The following ADAM11 variants were observed in gnomAD, a reference collection of about 807,000 sequenced individuals.
The protein encoded by ADAM11 is ADAM metallopeptidase domain 11.
In ADAM11, 49 loss-of-function variants were observed where a neutral mutation model predicts 119.1. That is an observed-to-expected ratio of 0.41 (90% CI 0.33 to 0.52). ADAM11 has a LOEUF of 0.52. Among genes scored for constraint, ADAM11 ranks in the 20% least tolerant of loss-of-function variants. The pLI, the probability that ADAM11 is intolerant of heterozygous loss-of-function variation, is 0.20. For synonymous variants in ADAM11, 364 were observed against 408.0 expected (o/e 0.89, Z 1.30); for missense variants, 777 against 1,047.5 (o/e 0.74, Z 3.56).
chr17:44,769,600 C>T lies in ADAM11; in HGVS notation c.238-118C>T, dbSNP rs1008534003. 2.3e-5 allele frequency: 16 copies of T among 710,964 alleles called. No homozygotes were observed. In the African/African-American group the frequency reaches 2.4e-4, roughly 11 times the overall value. 44.0% of individuals were successfully genotyped at this position (710,964 alleles called of 1,614,324 possible). A position where few individuals can be genotyped will look rare whatever the true frequency, so the allele number is the denominator to read the frequency against. On this transcript the variant is annotated intron_variant, in intron 2 of 26. Transcript: ENST00000200557. The stretch of plus-strand genomic sequence containing the variant: ...CATCTTGCCCCCAAATCAATGGTCC[C>T]CTCAGCTGCTAGGGCTGGCCACCCC...
Position 44,775,969 on chromosome 17 carries a change from A to G in ADAM11, c.1486-158A>G, listed in dbSNP as rs961835223. Among the ~76,000 whole-genome samples the G allele has an allele frequency of 2.0e-5, 3 of 152,006 alleles. No individual in the cohort carries two copies. The highest frequency in any genetic ancestry group is 1.3e-4 in the Admixed American group (2 of 15,266). On this transcript the variant is annotated intron_variant, in intron 17 of 26. Coordinates refer to ENST00000200557, the MANE Select transcript of ADAM11 (RefSeq NM_002390.6). This position sits in a 1 kb window ranked among gnomAD's most constrained non-coding sequence, Gnocchi z 7.5. Reference sequence around the variant, plus strand: ...GCTGGGAGCGAGGTGGGGAGCGTTCAAGAGGTGGTGGGAGCAGGGAAATAA... The same window carrying G: ...GCTGGGAGCGAGGTGGGGAGCGTTCGAGAGGTGGTGGGAGCAGGGAAATAA...
chr17:44,776,537 C>G lies in ADAM11; in HGVS notation c.1567-208C>G, dbSNP rs2049603477. Among the ~76,000 whole-genome samples the G allele has an allele frequency of 6.6e-6, 1 of 152,124 alleles. No individual in the cohort carries two copies. The highest frequency in any genetic ancestry group is 1.5e-5 in the Non-Finnish European group (1 of 68,020). ...GCCAGGCATTTATCTCCCAGCCCTACGAGGGAGGGAGGCTGGAGCGGCTCT... is the reference window on the plus strand; with the variant it reads ...GCCAGGCATTTATCTCCCAGCCCTAGGAGGGAGGGAGGCTGGAGCGGCTCT... On this transcript the variant is annotated intron_variant, in intron 18 of 26. Transcript: ENST00000200557. This position sits in a 1 kb window ranked among gnomAD's most constrained non-coding sequence, Gnocchi z 5.2.
Position 44,759,194 on chromosome 17 carries a change from C to T in ADAM11, c.-6C>T, listed in dbSNP as rs1454626857. On this transcript the variant is annotated 5_prime_UTR_variant, in exon 1 of 27. Transcript: ENST00000200557. ...CAGCCCCCGGACCGGGAGGAATGAGCGAGCCATGAGGCTGCTGCGGCGCTG... is the reference window on the plus strand; with the variant it reads ...CAGCCCCCGGACCGGGAGGAATGAGTGAGCCATGAGGCTGCTGCGGCGCTG... 3 of 1,352,906 alleles carry T rather than the reference C, an allele frequency of 2.2e-6. No homozygotes were observed. The highest frequency in any genetic ancestry group is 3.0e-5 in the Admixed American group (1 of 33,720). 83.8% of individuals were successfully genotyped at this position (1,352,906 alleles called of 1,614,324 possible). A position where few individuals can be genotyped will look rare whatever the true frequency, so the allele number is the denominator to read the frequency against.
Position 44,773,385 on chromosome 17 carries a change from G to C in ADAM11, c.950G>C (p.Arg317Pro). 1.9e-6 allele frequency: 3 copies of C among 1,613,864 alleles called. No individual in the cohort carries two copies. Among genetic ancestry groups the C allele is most frequent in the East Asian group, 2.2e-5 (1 of 44,882 alleles). Residue 317 changes from arginine to proline, a missense_variant, in exon 11 of 27, where the codon CGG becomes CCG. By Grantham distance (103) the Arg-to-Pro change is moderately radical (BLOSUM62 -2). This residue lies in a region of ADAM11 where 147 missense variants were observed against 223.3 expected (regional missense o/e 0.66). Transcript: ENST00000200557. This position sits in a 1 kb window ranked among gnomAD's most constrained non-coding sequence, Gnocchi z 4.6. Reference protein sequence around the residue: ...ETLARLMVYRREGLPEPSDAT... With the variant: ...ETLARLMVYRPEGLPEPSDAT... ...CTGGCCCGGCTCATGGTCTACCGAC[G>C]GGAGGGTCTGCCTGAGCCCAGTGAT...
At position 44,779,509 on chromosome 17, in the gene ADAM11, C is replaced by A; in HGVS notation, c.2295-230C>A. 5 of 985,436 alleles carry A rather than the reference C, an allele frequency of 5.1e-6. 1 individual carries two copies. In the South Asian group the frequency reaches 2.3e-4, roughly 46 times the overall value. 61.0% of individuals were successfully genotyped at this position (985,436 alleles called of 1,614,324 possible). The stretch of plus-strand genomic sequence containing the variant: ...GGCCCTCCCCTGCCACCAGGTGGAA[C>A]TGGAGCTGCGCCCCTGGCAGTCCCC... On this transcript the variant is annotated intron_variant, in intron 26 of 26. Coordinates refer to ENST00000200557, the MANE Select transcript of ADAM11 (RefSeq NM_002390.6).
chr17:44,772,237 AC>A lies in ADAM11; in HGVS notation c.544-26del, dbSNP rs1567691704. On this transcript the variant is annotated intron_variant, in intron 6 of 26. Transcript: ENST00000200557. This position sits in a 1 kb window ranked among gnomAD's most constrained non-coding sequence, Gnocchi z 4.5. ...TGGGCCTGGAGCAGGCCCAGTTGGC[AC>A]CCCAAGAACTAATTTCCCCTCATTG... The A allele has an allele frequency of 3.8e-6, 6 of 1,590,466 alleles. No individual in the cohort carries two copies. In the Admixed American group the frequency reaches 1.0e-4, roughly 27 times the overall value.
chr17:44,761,281 G>C (rs1415774901), intron 2 of ADAM11, among the ~76,000 whole-genome samples: 1 of 152,160 alleles, frequency 6.6e-6, no homozygotes, highest in African/African-American at 2.4e-5. Flanking sequence ...CGCAGGGAAA[G>C]GGGACAGAGT....
At chr17:44,762,969 CAAAAA>C (rs56690757) in intron 2 of ADAM11, among the ~76,000 whole-genome samples, 2 of 130,772 alleles carry the variant, frequency 1.5e-5, no homozygotes, top group Non-Finnish European at 1.7e-5. Context: ...CCGTCTCTAC[CAAAAA>C]AAAAAAAAAA....
intron 2 of ADAM11, among the ~76,000 whole-genome samples, chr17:44,762,094 G>A (rs2049396641): frequency 6.6e-6 from 1 of 152,198 alleles, no homozygotes; most frequent in Admixed American, 6.5e-5. Flanking sequence ...AAAGTGCTGG[G>A]ATTACAAGCG....
Position 44,764,862 on chromosome 17 carries a change from G to A in ADAM11, c.238-4856G>A, listed in dbSNP as rs567234837. 1.8e-4 allele frequency among the ~76,000 whole-genome samples: 27 copies of A among 152,244 alleles called. 1 individual carries two copies. The highest frequency in any genetic ancestry group is 3.4e-3 in the Middle Eastern group (1 of 294). On this transcript the variant is annotated intron_variant, in intron 2 of 26. Coordinates refer to ENST00000200557, the MANE Select transcript of ADAM11 (RefSeq NM_002390.6). ...CTCTGAGTGTCCGGACAGGGTGCTG[G>A]GCCCTGGTGCTGGCATGAGGGCTGG...
chr17:44,759,368 G>A, intron 1 of ADAM11, 108 bp downstream of exon 1: 2 of 1,270,242 alleles, frequency 1.6e-6, no homozygotes, highest in Non-Finnish European at 2.0e-6. Context: ...GGTGACAGCC[G>A]GTCCGGAGCG....
chr17:44,763,573 G>A (rs960965044), intron 2 of ADAM11, among the ~76,000 whole-genome samples: 12 of 152,212 alleles, frequency 7.9e-5, no homozygotes, highest in African/African-American at 2.7e-4. Flanking sequence ...GCCGAGGGGT[G>A]GTGCAGGTCA....
At position 44,772,289 on chromosome 17, in the gene ADAM11, A is replaced by G. The variant is rs1349239896; in HGVS notation, c.566A>G (p.Tyr189Cys). 1 of 1,388,570 alleles carries G rather than the reference A, an allele frequency of 7.2e-7. No individual in the cohort carries two copies. The highest frequency in any genetic ancestry group is 1.5e-5 in the African/African-American group (1 of 66,500). 86.0% of individuals were successfully genotyped at this position (1,388,570 alleles called of 1,614,324 possible). ...APQGPLPHLI[Y>C]RTPLLPDPLG... The stretch of plus-strand genomic sequence containing the variant: ...CAGGGACCCCTTCCCCACCTCATTT[A>G]CCGGACCCCTCTCCTCCCAGATCCC... The change falls in exon 7 of 27, where the codon TAC becomes TGC. Residue 189 changes from tyrosine (Y) to cysteine (C), a missense_variant. Around this residue, in one of 4 missense-constraint regions of ADAM11, gnomAD observed 278 missense variants for 310.1 expected, o/e 0.90. Coordinates refer to ENST00000200557, the MANE Select transcript of ADAM11 (RefSeq NM_002390.6). This position sits in a 1 kb window ranked among gnomAD's most constrained non-coding sequence, Gnocchi z 4.5.
chr17:44,767,627 C>A (rs954509458), intron 2 of ADAM11, among the ~76,000 whole-genome samples: 1 of 152,232 alleles, frequency 6.6e-6, no homozygotes, highest in Non-Finnish European at 1.5e-5. Context: ...CCAGCCCCCT[C>A]CTGGGCCACC....
intron 14 of ADAM11, 140 bp downstream of exon 14, chr17:44,774,889 G>T: frequency 2.7e-6 from 3 of 1,107,362 alleles, no homozygotes; most frequent in African/African-American, 1.6e-5. Flanking sequence ...CCAGTTTTCC[G>T]CAAACACTGC....
Position 44,769,782 on chromosome 17 carries a change from T to C in ADAM11, c.302T>C (p.Leu101Pro), listed in dbSNP as rs1438104066. The change falls in exon 3 of 27, where the codon CTG becomes CCG. Residue 101 changes from leucine to proline, a missense_variant. By Grantham distance (98) the Leu-to-Pro change is moderately conservative. Transcript: ENST00000200557. ...TTCAACTCAAACTTCACCCTGGACC[T>C]GGAGCTGAACCAGTGAGTGTGGCCT... is the stretch of plus-strand genomic sequence containing the variant. ...PAFNSNFTLD[L>P]ELNHHLLSSQ... The C allele has an allele frequency of 6.2e-7, 1 of 1,614,012 alleles. No individual in the cohort carries two copies.
intron 2 of ADAM11, among the ~76,000 whole-genome samples, chr17:44,768,953 G>C (rs2049484303): frequency 6.6e-6 from 1 of 152,228 alleles, no homozygotes; most frequent in African/African-American, 2.4e-5. Flanking sequence ...CAAGCGCCCA[G>C]GCCTGGGGGG....
chr17:44,779,293 G>GCTGT, intron 26 of ADAM11, 54 bp downstream of exon 26: 15 of 1,546,726 alleles, frequency 9.7e-6, no homozygotes, highest in Non-Finnish European at 1.3e-5. Context: ...CATCCCTCCC[G>GCTGT]CTGTCCTTGT....
Position 44,773,503 on chromosome 17 carries a change from T to G in ADAM11, c.992+76T>G. The stretch of plus-strand genomic sequence containing the variant: ...GCTTGGGATTACTTAACACCTGCCC[T>G]GTGCTGGCTGCTCCTCTCAGAGTCT... On this transcript the variant is annotated intron_variant, in intron 11 of 26. Transcript: ENST00000200557. This position sits in a 1 kb window ranked among gnomAD's most constrained non-coding sequence, Gnocchi z 4.6. The G allele has an allele frequency of 1.3e-6, 2 of 1,520,330 alleles. No individual in the cohort carries two copies. Among genetic ancestry groups the G allele is most frequent in the Non-Finnish European group, 8.9e-7 (1 of 1,127,922 alleles). The allele number at this position is 1,520,330 out of a possible 1,614,324, so 94.2% of individuals were successfully genotyped here. A position where few individuals can be genotyped will look rare whatever the true frequency, so the allele number is the denominator to read the frequency against.
Sources: gnomAD v4.1 joint callset for allele counts (sites outside exome capture counted in the v4.1 genomes callset) on GRCh38, gnomAD v4.1.1 for gene constraint, gnomAD v4.1.1 regional missense constraint, Gnocchi (gnomAD v3.1) non-coding constraint, MANE v1.5 for transcripts, NCBI Gene and HGNC (gene_info 2026-07-23, HGNC 2026-07-21) for gene names.